Variants in ATP9A observed in about 807,000 individuals in gnomAD.
ATP9A encodes the protein ATPase phospholipid transporting 9A.
In ATP9A, 52 loss-of-function variants were observed where a neutral mutation model predicts 144.1. That is an observed-to-expected ratio of 0.36 (90% CI 0.29 to 0.45). The LOEUF is 0.45. ATP9A is among the 20% of genes least tolerant of loss of function. ATP9A has a pLI of 1.00. For missense variants in ATP9A, 947 were observed against 1,392.7 expected, an observed-to-expected ratio of 0.68 and a Z score of 5.09; for synonymous variants, 582 against 557.4, an observed-to-expected ratio of 1.04 and a Z score of -0.62.
chr20:51,728,061 G>A (rs556038282), intron 2 of ATP9A, among the ~76,000 whole-genome samples: 2 of 152,280 alleles, frequency 1.3e-5, no homozygotes, highest in Non-Finnish European at 2.9e-5. Flanking sequence ...GAGTCAGACT[G>A]AGACCACATG....
intron 27 of ATP9A, among the ~76,000 whole-genome samples, chr20:51,604,602 C>T (rs755504671): frequency 2.2e-4 from 34 of 152,288 alleles, no homozygotes; most frequent in Non-Finnish European, 4.4e-4. Flanking sequence ...ACTGCAATCA[C>T]GCCCTCTGTC....
At chr20:51,758,698 G>A (rs572469063) in intron 1 of ATP9A, among the ~76,000 whole-genome samples, 15 of 152,114 alleles carry the variant, frequency 9.9e-5, no homozygotes, top group Non-Finnish European at 1.9e-4. Flanking sequence ...AGGCCAAGGC[G>A]GGCGGATCAT....
intron 2 of ATP9A, among the ~76,000 whole-genome samples, chr20:51,726,889 C>CTTTT (rs55719132): frequency 1.5e-4 from 14 of 93,994 alleles, no homozygotes; most frequent in Non-Finnish European, 1.6e-4. Flanking sequence ...TGTGTTATTT[C>CTTTT]TTTTTTTTTT....
intron 1 of ATP9A, among the ~76,000 whole-genome samples, chr20:51,763,249 C>G (rs1006126282): frequency 1.6e-4 from 24 of 151,184 alleles, no homozygotes; most frequent in African/African-American, 4.1e-4. Flanking sequence ...CATTCAAAAC[C>G]CATGCCGGAG....
chr20:51,660,771 C>T (rs770068813), intron 13 of ATP9A, among the ~76,000 whole-genome samples: 3 of 152,192 alleles, frequency 2.0e-5, no homozygotes, highest in Non-Finnish European at 4.4e-5. Flanking sequence ...CCTCACATTC[C>T]CCATATGGAA....
At chr20:51,679,574 T>C (rs935558726) in intron 9 of ATP9A, among the ~76,000 whole-genome samples, 7 of 152,174 alleles carry the variant, frequency 4.6e-5, no homozygotes, top group African/African-American at 1.4e-4. Context: ...CTCCTTCCCC[T>C]GCTGTCACCT....
At chr20:51,654,945 T>C (rs563417241) in intron 14 of ATP9A, among the ~76,000 whole-genome samples, 1 of 152,274 alleles carries the variant, frequency 6.6e-6, no homozygotes, top group South Asian at 2.1e-4. Flanking sequence ...GGCCTGGGGC[T>C]GTCTTGTTAG....
intron 7 of ATP9A, among the ~76,000 whole-genome samples, chr20:51,693,057 C>T (rs1568823509): frequency 6.6e-6 from 1 of 152,168 alleles, no homozygotes; most frequent in Non-Finnish European, 1.5e-5. Flanking sequence ...GGGCATGCCA[C>T]TCACCAGGCA....
chr20:51,636,218 C>A (rs1459040704), intron 15 of ATP9A, among the ~76,000 whole-genome samples: 1 of 152,124 alleles, frequency 6.6e-6, no homozygotes, highest in Non-Finnish European at 1.5e-5. Flanking sequence ...AGCAAGCAGG[C>A]AGGTAGATGG....
chr20:51,762,861 C>A (rs2077887342), intron 1 of ATP9A, among the ~76,000 whole-genome samples: 2 of 151,724 alleles, frequency 1.3e-5, no homozygotes, highest in South Asian at 4.2e-4. Context: ...AGGCTCAAGC[C>A]ACCATGCCTG....
intron 15 of ATP9A, among the ~76,000 whole-genome samples, chr20:51,638,097 A>ATG (rs2077302002): frequency 9.9e-6 from 1 of 101,064 alleles, no homozygotes; most frequent in African/African-American, 4.1e-5. Context: ...ATATATATAT[A>ATG]TATATATATA....
At chr20:51,705,333 TACTC>T (rs1029363503) in intron 4 of ATP9A, among the ~76,000 whole-genome samples, 6 of 152,214 alleles carry the variant, frequency 3.9e-5, no homozygotes, top group Admixed American at 6.5e-5. Context: ...TGTCTCTTGT[TACTC>T]AAGAGATCCT....
intron 13 of ATP9A, among the ~76,000 whole-genome samples, chr20:51,664,378 G>C (rs958245369): frequency 1.3e-5 from 2 of 152,060 alleles, no homozygotes; most frequent in Admixed American, 1.3e-4. Flanking sequence ...CTGGAGCCCA[G>C]GAGTTCGAGA....
chr20:51,700,006 G>T (rs1474366839), intron 4 of ATP9A, among the ~76,000 whole-genome samples: 2 of 152,134 alleles, frequency 1.3e-5, no homozygotes, highest in African/African-American at 4.8e-5. Flanking sequence ...TCGATCGCTG[G>T]TAAGACTTCT....
chr20:51,647,839 A>G (rs1421281431), intron 14 of ATP9A, among the ~76,000 whole-genome samples: 1 of 152,240 alleles, frequency 6.6e-6, no homozygotes, highest in Non-Finnish European at 1.5e-5. Flanking sequence ...TGGATAAGCT[A>G]ACACCAAGGG....
rs749148468 is a variant in ATP9A at position 51,610,119 on chromosome 20, T to G, written c.2618A>C (p.Gln873Pro). The change falls in exon 24 of 28, where the codon CAA becomes CCA. Residue 873 changes from glutamine (Q) to proline (P), a missense_variant. Physicochemically the swap from Gln to Pro is moderately conservative, Grantham distance 76. Around this residue, in one of 2 missense-constraint regions of ATP9A, gnomAD observed 177 missense variants for 344.9 expected, o/e 0.51. Transcript: ENST00000338821. Reference protein sequence around the residue: ...VFYFASVPLYQGFLIIGYSTI... With the variant: ...VFYFASVPLYPGFLIIGYSTI... The stretch of plus-strand genomic sequence containing the variant: ...TCCTTACCCAATGATGAGGAATCCT[T>G]GATAGAGAGGGACGGAGGCAAAGTA... 13 of 1,607,614 alleles carry G rather than the reference T, an allele frequency of 8.1e-6. No individual in the cohort carries two copies.
At chr20:51,762,420 G>A (rs898997133) in intron 1 of ATP9A, among the ~76,000 whole-genome samples, 4 of 151,610 alleles carry the variant, frequency 2.6e-5, no homozygotes, top group Admixed American at 6.6e-5. Flanking sequence ...TGCTTGAACC[G>A]GGAGGCAGAG....
At chr20:51,712,860 C>T (rs1278554208) in intron 4 of ATP9A, 106 bp downstream of exon 4, 14 of 965,620 alleles carry the variant, frequency 1.4e-5, no homozygotes, top group Non-Finnish European at 1.8e-5. Context: ...TGTTCCGCCA[C>T]GTGGCATTCC....
At chr20:51,752,690 C>T (rs1052948530) in intron 1 of ATP9A, among the ~76,000 whole-genome samples, 1 of 152,174 alleles carries the variant, frequency 6.6e-6, no homozygotes, top group African/African-American at 2.4e-5. Context: ...TTGAGTGCTT[C>T]TTTGTTGGTC....
Sources: allele counts gnomAD v4.1 joint callset (sites outside exome capture counted in the v4.1 genomes callset), GRCh38; gene constraint gnomAD v4.1.1; regional missense constraint gnomAD v4.1.1; transcripts MANE v1.5; gene names NCBI Gene and HGNC (gene_info 2026-07-23, HGNC 2026-07-21).